RIC8A: variants seen among roughly 807,000 people sequenced by gnomAD.
The protein encoded by RIC8A is chaperone Ric-8A.
A neutral mutation model predicts 48.4 loss-of-function variants in RIC8A; 37 were observed. The ratio of observed to expected loss-of-function variants is 0.77; its 90% confidence interval spans 0.59 to 1.01. The LOEUF (loss-of-function observed/expected upper bound fraction) is 1.01. RIC8A is among the 50% of genes least tolerant of loss of function. The pLI, the probability that RIC8A is intolerant of heterozygous loss-of-function variation, is 0.00. For synonymous variants in RIC8A, 288 were observed against 283.4 expected (o/e 1.02, Z -0.16); for missense variants, 681 against 696.8 (o/e 0.98, Z 0.25).
chr11:210,418 G>C (rs1177286731), intron 3 of RIC8A, 153 bp from the exon 4 acceptor site: 10 of 789,758 alleles, frequency 1.3e-5, no homozygotes, highest in Non-Finnish European at 2.0e-5. Flanking sequence ...ACTACCCAGA[G>C]TCACCTAGGA....
Position 211,721 on chromosome 11 carries a change from C to T in RIC8A, c.969+372C>T, listed in dbSNP as rs1030909632. On this transcript the variant is annotated intron_variant, in intron 5 of 9. Coordinates refer to ENST00000526104, the MANE Select transcript of RIC8A (RefSeq NM_001286134.2). The surrounding 1 kb of genome is among the most constrained non-coding windows in gnomAD (Gnocchi z 4.0). ...GACCCATAGGAACCTCAGATCAAAG[C>T]TTCCTTCTGATTGCTGTGACTGCAC... is the stretch of plus-strand genomic sequence containing the variant. 3 of 173,494 alleles carry T rather than the reference C, an allele frequency of 1.7e-5. No individual in the cohort carries two copies. Among genetic ancestry groups the T allele is most frequent in the Non-Finnish European group, 3.7e-5 (3 of 81,574 alleles). The allele number at this position is 173,494 out of a possible 1,614,324, so 10.7% of individuals were successfully genotyped here. A position where few individuals can be genotyped will look rare whatever the true frequency, so the allele number is the denominator to read the frequency against.
chr11:214,350 A>G lies in RIC8A; in HGVS notation c.1596A>G (p.Ter532TrpextTer46). The G allele has an allele frequency of 6.3e-7, 1 of 1,592,650 alleles. No individual in the cohort carries two copies. Among genetic ancestry groups the G allele is most frequent in the African/African-American group, 1.3e-5 (1 of 74,884 alleles). The change falls in exon 10 of 10, where the codon TGA becomes TGG. Residue 532 changes from the stop codon to tryptophan (W), a stop_lost. Transcript: ENST00000526104. ...LSSDPDSDPD* is the reference protein window; with the variant it reads ...LSSDPDSDPDW ...CGGACCCTGACTCGGACCCTGACTG[A>G]GGATGGCAGCTCTTCTGCTCCCCCA...
Position 208,826 on chromosome 11 carries a change from AG to A in RIC8A, c.-26del. On this transcript the variant is annotated 5_prime_UTR_variant, in exon 1 of 10. Coordinates refer to ENST00000526104, the MANE Select transcript of RIC8A (RefSeq NM_001286134.2). This position sits in a 1 kb window ranked among gnomAD's most constrained non-coding sequence, Gnocchi z 4.8. ...AACTGCGGCCCGGAACGGCTGAGGA[AG>A]GGCCCGTCCCGCCTTCCCCGGCGCG... is the stretch of plus-strand genomic sequence containing the variant. 6.3e-7 allele frequency: 1 copy of A among 1,585,858 alleles called. No individual in the cohort carries two copies.
intron 9 of RIC8A, 151 bp downstream of exon 9, chr11:213,569 A>G: frequency 2.9e-6 from 3 of 1,038,990 alleles, no homozygotes; most frequent in South Asian, 1.6e-5. Flanking sequence ...CTTGCCCTGG[A>G]GGAAATCCCC....
Position 212,754 on chromosome 11 carries a change from A to T in RIC8A, c.1205A>T (p.Glu402Val). 1 of 1,614,070 alleles carries T rather than the reference A, an allele frequency of 6.2e-7. No individual in the cohort carries two copies. Residue 402 changes from glutamate to valine, a missense_variant, in exon 7 of 10, where the codon GAG becomes GTG. By Grantham distance (121) the Glu-to-Val change is moderately radical. Coordinates refer to ENST00000526104, the MANE Select transcript of RIC8A (RefSeq NM_001286134.2). ...GAGTTCTTGTTTGTCCTGTGCTCTG[A>T]GAGTGGTGAGTTATGGAGACCCAGG... ...AAEFLFVLCS[E>V]SVPRFIKYTG...
rs1163971201 is a variant in RIC8A, at chr11:209,043, C to G, written c.84+105C>G. ...GTGAGGCAGAGGCTGTGTCAGCAAG[C>G]GTAGGGGACGCGGCGGGGTGCGGGG... is the stretch of plus-strand genomic sequence containing the variant. On this transcript the variant is annotated intron_variant, in intron 1 of 9. Coordinates refer to ENST00000526104, the MANE Select transcript of RIC8A (RefSeq NM_001286134.2). The G allele has an allele frequency of 3.5e-6, 4 of 1,127,640 alleles. No individual in the cohort carries two copies. In the Admixed American group the frequency reaches 5.9e-5, roughly 17 times the overall value. 69.9% of individuals were successfully genotyped at this position (1,127,640 alleles called of 1,614,324 possible).
At chr11:212,382 G>C (rs756132832) in intron 5 of RIC8A, 34 bp from the exon 6 acceptor site, 1 of 1,601,916 alleles carries the variant, frequency 6.2e-7, no homozygotes, top group Admixed American at 1.7e-5. Context: ...AGTTAGGCAG[G>C]GGCATAGCCC....
chr11:208,717 T>A lies in RIC8A; in HGVS notation c.-138T>A. 1.7e-6 allele frequency: 1 copy of A among 585,962 alleles called. No individual in the cohort carries two copies. The highest frequency in any genetic ancestry group is 2.5e-5 in the South Asian group (1 of 39,914). 36.3% of individuals were successfully genotyped at this position (585,962 alleles called of 1,614,324 possible). A position where few individuals can be genotyped will look rare whatever the true frequency, so the allele number is the denominator to read the frequency against. Reference sequence around the variant, plus strand: ...AAGCGCCACCAGACGCTGCGCCCCGTTAAAGCGCCACCAGACGCCGCGCCC... The same window carrying A: ...AAGCGCCACCAGACGCTGCGCCCCGATAAAGCGCCACCAGACGCCGCGCCC... On this transcript the variant is annotated 5_prime_UTR_variant, in exon 1 of 10. Coordinates refer to ENST00000526104, the MANE Select transcript of RIC8A (RefSeq NM_001286134.2). This position sits in a 1 kb window ranked among gnomAD's most constrained non-coding sequence, Gnocchi z 4.8.
chr11:213,233 G>C (rs1411888197), intron 8 of RIC8A, 66 bp from the exon 9 acceptor site: 2 of 1,596,192 alleles, frequency 1.3e-6, no homozygotes, highest in Non-Finnish European at 1.7e-6. Context: ...TGGGAAAATA[G>C]GTGGCTTGCC....
At chr11:213,481 C>G (rs1320442592) in intron 9 of RIC8A, 63 bp downstream of exon 9, 1 of 1,544,736 alleles carries the variant, frequency 6.5e-7, no homozygotes, top group Non-Finnish European at 8.7e-7. Context: ...CACATCCTGT[C>G]TTGTGAGCCC....
Position 209,724 on chromosome 11 carries a change from G to A in RIC8A, c.450G>A (p.Leu150=). The part of the protein sequence containing the change: ...LVVKLTERVG[L]YRERSFPHDV... ...TGAAGCTCACAGAGCGTGTGGGGCT[G>A]TACCGTGAGAGGAGCTTCCCCCACG... The change falls in exon 3 of 10, where the codon CTG becomes CTA. Residue 150 remains leucine, a synonymous_variant. Coordinates refer to ENST00000526104, the MANE Select transcript of RIC8A (RefSeq NM_001286134.2). 6.2e-7 allele frequency: 1 copy of A among 1,614,032 alleles called. No individual in the cohort carries two copies. The highest frequency in any genetic ancestry group is 8.5e-7 in the Non-Finnish European group (1 of 1,180,018).
At position 214,677 on chromosome 11, in the gene RIC8A, A is replaced by G; in HGVS notation, c.*327A>G. The G allele has an allele frequency of 2.5e-6, 1 of 405,288 alleles. No individual in the cohort carries two copies. The highest frequency in any genetic ancestry group is 2.1e-5 in the South Asian group (1 of 48,326). 25.1% of individuals were successfully genotyped at this position (405,288 alleles called of 1,614,324 possible). ...GGCCTACCTGGGCACACAGAAGAGC[A>G]TATGGGAGGGCAGGGGTTTGGGTGT... On this transcript the variant is annotated 3_prime_UTR_variant, in exon 10 of 10. Coordinates refer to ENST00000526104, the MANE Select transcript of RIC8A (RefSeq NM_001286134.2).
chr11:210,310 C>G (rs1855321304), intron 3 of RIC8A: 1 of 694,816 alleles, frequency 1.4e-6, no homozygotes, highest in African/African-American at 1.8e-5. Context: ...GACTTCATCC[C>G]TAAGGTATGT....
Position 211,077 on chromosome 11 carries a change from A to C in RIC8A, c.819-122A>C. 9.2e-7 allele frequency: 1 copy of C among 1,089,730 alleles called. No homozygotes were observed. Among genetic ancestry groups the C allele is most frequent in the Non-Finnish European group, 1.3e-6 (1 of 755,246 alleles). 67.5% of individuals were successfully genotyped at this position (1,089,730 alleles called of 1,614,324 possible). On this transcript the variant is annotated intron_variant, in intron 4 of 9. Coordinates refer to ENST00000526104, the MANE Select transcript of RIC8A (RefSeq NM_001286134.2). This position sits in a 1 kb window ranked among gnomAD's most constrained non-coding sequence, Gnocchi z 4.0. ...GTCCCTGCCCTTGGCTTTGGTCCCT[A>C]GCGCTGCCCCTTTGGGACTCAGATG...
At chr11:213,732 C>G in intron 9 of RIC8A, 2 of 274,670 alleles carry the variant, frequency 7.3e-6, no homozygotes, top group East Asian at 1.9e-4. Flanking sequence ...ATCACAAGGT[C>G]AGGAGATCGA....
chr11:210,534 T>A, intron 3 of RIC8A, 37 bp from the exon 4 acceptor site: 1 of 1,565,858 alleles, frequency 6.4e-7, no homozygotes, highest in Non-Finnish European at 8.8e-7. Context: ...GTGGGATGAG[T>A]GGGGCTCCTC....
chr11:209,114 G>T (rs112945100), intron 1 of RIC8A, 157 bp from the exon 2 acceptor site: 3 of 1,059,380 alleles, frequency 2.8e-6, no homozygotes, highest in Non-Finnish European at 4.4e-6. Context: ...GGGTGCACCC[G>T]TTGGGTGGCA....
At position 213,057 on chromosome 11, in the gene RIC8A, T is replaced by C. The variant is rs1855405621; in HGVS notation, c.1355+76T>C. 5 of 1,487,892 alleles carry C rather than the reference T, an allele frequency of 3.4e-6. No homozygotes were observed. In the African/African-American group the frequency reaches 4.2e-5, roughly 13 times the overall value. 92.2% of individuals were successfully genotyped at this position (1,487,892 alleles called of 1,614,324 possible). ...CTGCTTCCACACCCATGTGGACCCC[T>C]GTAGGGTGGGACAGGATGACAAATG... is the stretch of plus-strand genomic sequence containing the variant. On this transcript the variant is annotated intron_variant, in intron 8 of 9. Transcript: ENST00000526104.
At position 212,995 on chromosome 11, in the gene RIC8A, A is replaced by AT. The variant is rs1855402610; in HGVS notation, c.1355+14_1355+15insT. The AT allele has an allele frequency of 6.5e-7, 1 of 1,537,746 alleles. No homozygotes were observed. The highest frequency in any genetic ancestry group is 1.4e-5 in the African/African-American group (1 of 72,470). ...AGCCAAAGCCAGGTGTGTACCCCCA[A>AT]CACACCCTCGGGTCTCCACTCACAG... On this transcript the variant is annotated intron_variant, in intron 8 of 9. Transcript: ENST00000526104.
Sources: gnomAD v4.1 joint callset for allele counts on GRCh38, gnomAD v4.1.1 for gene constraint, Gnocchi (gnomAD v3.1) non-coding constraint, MANE v1.5 for transcripts, NCBI Gene and HGNC (gene_info 2026-07-23, HGNC 2026-07-21) for gene names.